PRCP: variants seen among roughly 807,000 people sequenced by gnomAD.
PRCP encodes lysosomal Pro-X carboxypeptidase.
A neutral mutation model predicts 54.2 loss-of-function variants in PRCP; 46 were observed. That is an observed-to-expected ratio of 0.85 (90% CI 0.67 to 1.09). PRCP has a LOEUF of 1.09. Ranked by LOEUF, PRCP falls within the 50% of genes least tolerant of loss-of-function variation. PRCP has a pLI of 0.00. For missense variants in PRCP, 613 were observed against 596.8 expected (o/e 1.03, Z -0.28); for synonymous variants, 240 against 212.2 (o/e 1.13, Z -1.14).
chr11:82,888,118 TA>T (rs1466786957), intron 1 of PRCP, among the ~76,000 whole-genome samples: 1 of 152,250 alleles, frequency 6.6e-6, no homozygotes, highest in Non-Finnish European at 1.5e-5. Flanking sequence ...TATTTTATTA[TA>T]GGGGCATTGA....
rs1193647981 is a variant in PRCP at position 82,868,821 on chromosome 11, A to G, written c.169-8704T>C. Among the ~76,000 whole-genome samples, 3 of 152,102 alleles carry G rather than the reference A, an allele frequency of 2.0e-5. No individual in the cohort carries two copies. In the East Asian group the frequency reaches 5.8e-4, roughly 29 times the overall value. ...AGGCTGAGGCGGGAGGATCAAATTG[A>G]GGCCAGGAGTTCGAGACCAGCCTGC... On this transcript the variant is annotated intron_variant, in intron 1 of 8. Transcript: ENST00000313010.
At chr11:82,843,687 G>A (rs4511295) in intron 6 of PRCP, among the ~76,000 whole-genome samples, 53,785 of 152,060 alleles carry the variant, frequency 0.35, 10,211 homozygotes, top group African/African-American at 0.49. Context: ...CATAAGGCGT[G>A]TCATTCCTAC....
At chr11:82,825,470 T>A (rs963244618) in intron 8 of PRCP, 7 of 252,168 alleles carry the variant, frequency 2.8e-5, no homozygotes, top group Non-Finnish European at 5.4e-5. Flanking sequence ...TTTCCTCATC[T>A]GTAAAATGGA....
chr11:82,844,747 A>AGAAAGAAAG (rs1555014082), intron 6 of PRCP, among the ~76,000 whole-genome samples: 4 of 136,056 alleles, frequency 2.9e-5, no homozygotes, highest in Non-Finnish European at 6.1e-5. Context: ...AAAAAAAAAA[A>AGAAAGAAAG]AAAGAAAGAA....
chr11:82,836,440 C>G (rs1439673317), intron 8 of PRCP: 1 of 153,410 alleles, frequency 6.5e-6, no homozygotes, highest in African/African-American at 2.4e-5. Flanking sequence ...CAAGAAAACT[C>G]CTTTCATCAA....
At position 82,891,612 on chromosome 11, in the gene PRCP, C is replaced by T. The variant is rs61902273; in HGVS notation, c.168+8623G>A. 6.6e-3 allele frequency among the ~76,000 whole-genome samples: 1,000 copies of T among 152,206 alleles called. 8 individuals are homozygous for T. The highest frequency in any genetic ancestry group is 8.5e-3 in the Non-Finnish European group (580 of 68,016). ...CTAGTACTCTCTCCCTGGGGCATGTCCCTCCAGACATACCATCCTCCCTAC... is the reference window on the plus strand; with the variant it reads ...CTAGTACTCTCTCCCTGGGGCATGTTCCTCCAGACATACCATCCTCCCTAC... On this transcript the variant is annotated intron_variant, in intron 1 of 8. Coordinates refer to ENST00000313010, the MANE Select transcript of PRCP (RefSeq NM_005040.4).
At chr11:82,827,810 C>G (rs1353597451) in intron 8 of PRCP, 2 of 152,072 alleles carry the variant, frequency 1.3e-5, no homozygotes, top group Non-Finnish European at 2.9e-5. Flanking sequence ...AAAAGTCCAG[C>G]TGGAAATTTG....
chr11:82,835,457 T>G (rs540307025), intron 8 of PRCP: 1 of 190,412 alleles, frequency 5.3e-6, no homozygotes, highest in African/African-American at 2.4e-5. Context: ...GCCAGGGGCC[T>G]GGGGCTGGGC....
chr11:82,858,259 T>C (rs2121171131), intron 2 of PRCP: 1 of 152,344 alleles, frequency 6.6e-6, no homozygotes, highest in East Asian at 1.9e-4. Flanking sequence ...ATGAGAAAAC[T>C]GAGGCACAGA....
chr11:82,837,673 A>G (rs573136024), intron 8 of PRCP, among the ~76,000 whole-genome samples: 28 of 152,348 alleles, frequency 1.8e-4, no homozygotes, highest in African/African-American at 6.3e-4. Flanking sequence ...TTAATAGCTG[A>G]CAACCTAATG....
At chr11:82,878,258 G>A (rs1318927855) in intron 1 of PRCP, among the ~76,000 whole-genome samples, 1 of 152,204 alleles carries the variant, frequency 6.6e-6, no homozygotes, top group Admixed American at 6.5e-5. Context: ...TGTCTCAGGT[G>A]AGACTTTGGA....
intron 1 of PRCP, among the ~76,000 whole-genome samples, chr11:82,889,373 A>ACC (rs1565236271): frequency 6.7e-6 from 1 of 148,558 alleles, no homozygotes; most frequent in Non-Finnish European, 1.5e-5. Flanking sequence ...CAAAAAAAAA[A>ACC]CCAACAAAAT....
intron 1 of PRCP, among the ~76,000 whole-genome samples, chr11:82,873,564 C>T (rs1034794966): frequency 6.6e-6 from 1 of 152,200 alleles, no homozygotes; most frequent in Non-Finnish European, 1.5e-5. Context: ...GTTTAGGTCC[C>T]GTTCCACCCT....
upstream of PRCP, chr11:82,900,855 T>C (rs571791530): frequency 5.2e-5 from 24 of 458,968 alleles, no homozygotes; most frequent in Non-Finnish European, 9.2e-5. Context: ...CCGCAAATCC[T>C]ACGTAACGGC....
chr11:82,864,406 C>A (rs1202583039), intron 1 of PRCP, among the ~76,000 whole-genome samples: 1 of 152,182 alleles, frequency 6.6e-6, no homozygotes, highest in Non-Finnish European at 1.5e-5. Flanking sequence ...AGAAGTGGGA[C>A]CCACGTGCCA....
chr11:82,896,243 T>G (rs1432730809), intron 1 of PRCP, among the ~76,000 whole-genome samples: 8 of 152,218 alleles, frequency 5.3e-5, no homozygotes, highest in Non-Finnish European at 1.2e-4. Flanking sequence ...TATGCCAACT[T>G]TATAGGCCAT....
At chr11:82,853,416 TC>T in intron 2 of PRCP, 138 bp from the exon 3 acceptor site, 1 of 556,574 alleles carries the variant, frequency 1.8e-6, no homozygotes, top group Non-Finnish European at 3.1e-6. Context: ...TTGTGTTTGT[TC>T]CACAAATAAA....
chr11:82,829,484 T>C (rs1312845248), intron 8 of PRCP: 1 of 152,208 alleles, frequency 6.6e-6, no homozygotes, highest in African/African-American at 2.4e-5. Context: ...ATATCATTTT[T>C]TAAAAGTCAC....
At position 82,850,383 on chromosome 11, in the gene PRCP, G is replaced by T; in HGVS notation, c.534C>A (p.Gly178=). 6.3e-7 allele frequency: 1 copy of T among 1,597,090 alleles called. No homozygotes were observed. The highest frequency in any genetic ancestry group is 1.1e-5 in the South Asian group (1 of 88,498). ...AGGCGGCAAGCATGCCACCATAGGA[G>T]CCTCCTATGGCAATGACAGGTTGAT... ...AENQPVIAIG[G]SYGGMLAAWF... Residue 178 remains glycine (G), a synonymous_variant, in exon 4 of 9, where the codon GGC becomes GGA. Coordinates refer to ENST00000313010, the MANE Select transcript of PRCP (RefSeq NM_005040.4).
Sources: allele counts gnomAD v4.1 joint callset (sites outside exome capture counted in the v4.1 genomes callset), GRCh38; gene constraint gnomAD v4.1.1; transcripts MANE v1.5; gene names NCBI Gene and HGNC (gene_info 2026-07-23, HGNC 2026-07-21).